MYCBPAP: variants seen among roughly 807,000 people sequenced by gnomAD.
MYCBPAP encodes the protein MYCBP associated protein, also known as MYCBP-associated protein.
A neutral mutation model predicts 106.1 loss-of-function variants in MYCBPAP; 60 were observed. The ratio of observed to expected loss-of-function variants is 0.57; its 90% CI spans 0.46 to 0.70. The LOEUF is 0.70. Ranked by LOEUF, MYCBPAP falls within the 30% of genes least tolerant of loss-of-function variation. The pLI is 0.00. For missense variants in MYCBPAP, 1,064 were observed against 1,169.3 expected, an observed-to-expected ratio of 0.91 and a Z score of 1.31; for synonymous variants, 407 against 440.6, an observed-to-expected ratio of 0.92 and a Z score of 0.95.
At chr17:50,528,927 G>C in intron 17 of MYCBPAP, 87 bp downstream of exon 17, 1 of 1,597,734 alleles carries the variant, frequency 6.3e-7, no homozygotes, top group Admixed American at 1.7e-5. Flanking sequence ...GTGGGCATGT[G>C]CCCAGGCTCT....
intron 18 of MYCBPAP, chr17:50,529,752 T>C (rs1041691872): frequency 6.6e-6 from 3 of 456,518 alleles, no homozygotes; most frequent in African/African-American, 6.0e-5. Context: ...TTCTCTTTCT[T>C]ACTCCCCGTT....
intron 7 of MYCBPAP, among the ~76,000 whole-genome samples, chr17:50,520,686 G>A (rs927711090): frequency 6.6e-6 from 1 of 152,176 alleles, no homozygotes; most frequent in Non-Finnish European, 1.5e-5. Flanking sequence ...GAGCCTGCCA[G>A]GCTGCCTGGG....
chr17:50,509,316 G>T, intron 1 of MYCBPAP: 1 of 607,334 alleles, frequency 1.6e-6, no homozygotes, highest in Admixed American at 2.5e-5. Context: ...TTTCCAGCTG[G>T]ATGACACTTA....
chr17:50,508,028 G>T (rs1325103078), upstream of MYCBPAP, among the ~76,000 whole-genome samples: 2 of 152,224 alleles, frequency 1.3e-5, no homozygotes, highest in African/African-American at 4.8e-5. Flanking sequence ...GCTGCAGCGA[G>T]CGTGGACCCG....
intron 1 of MYCBPAP, among the ~76,000 whole-genome samples, chr17:50,514,269 A>G (rs2033962892): frequency 6.6e-6 from 1 of 152,202 alleles, no homozygotes; most frequent in African/African-American, 2.4e-5. Flanking sequence ...AATTTCCTAA[A>G]AAAAGTTGGA....
intron 7 of MYCBPAP, 31 bp downstream of exon 7, chr17:50,519,818 T>C (rs2034193428): frequency 6.2e-7 from 1 of 1,604,990 alleles, no homozygotes; most frequent in East Asian, 2.2e-5. Context: ...CCAGCTAGCA[T>C]CTTGTGCCTG....
intron 6 of MYCBPAP, chr17:50,519,438 C>G (rs2143942899): frequency 1.5e-6 from 1 of 650,212 alleles, no homozygotes; most frequent in African/African-American, 1.8e-5. Flanking sequence ...CAACCCACAC[C>G]ATCTGGCTGG....
chr17:50,509,361 A>G (rs2033736366), intron 1 of MYCBPAP: 2 of 546,070 alleles, frequency 3.7e-6, no homozygotes, highest in South Asian at 4.0e-5. Flanking sequence ...ATCGCTAGAT[A>G]TGACTGCTTC....
chr17:50,518,426 G>GA (rs1197535851), intron 4 of MYCBPAP, 115 bp from the exon 5 acceptor site: 2 of 869,718 alleles, frequency 2.3e-6, no homozygotes, highest in Non-Finnish European at 3.4e-6. Context: ...TCCTGAAGAG[G>GA]AGGGACTCTC....
Position 50,529,056 on chromosome 17 carries a change from CAAGA to C in MYCBPAP, c.2596_2599del (p.Lys866SerfsTer2), listed in dbSNP as rs2034552230. The C allele has an allele frequency of 6.2e-7, 1 of 1,614,010 alleles. No individual in the cohort carries two copies. Among genetic ancestry groups the C allele is most frequent in the Non-Finnish European group, 8.5e-7 (1 of 1,180,026 alleles). ...GCAAGAAGCACAAGGCAAAGGATGA[CAAGA>C]AAGTCATAAAATCTGCAAGTCAGGA... On this transcript the variant is annotated frameshift_variant, in exon 18 of 19. Coordinates refer to ENST00000323776, the MANE Select transcript of MYCBPAP (RefSeq NM_032133.6). LOFTEE classifies it high-confidence loss of function.
intron 1 of MYCBPAP, chr17:50,508,988 T>C: frequency 1.4e-6 from 1 of 702,694 alleles, no homozygotes; most frequent in Non-Finnish European, 2.6e-6. Flanking sequence ...CAGAGGGGCC[T>C]CAGGGACCAC....
chr17:50,522,709 A>AAAAAAAAAAAAAAAAAAATATATAT, intron 10 of MYCBPAP: 3 of 50,042 alleles, frequency 6.0e-5, no homozygotes, highest in African/African-American at 1.2e-4. Context: ...AAAAAAAAAA[A>AAAAAAAAAAAAAAAAAAATATATAT]ATATATATAT....
intron 1 of MYCBPAP, among the ~76,000 whole-genome samples, chr17:50,512,870 T>C (rs921153348): frequency 1.3e-5 from 2 of 151,960 alleles, no homozygotes; most frequent in African/African-American, 4.8e-5. Context: ...GGTCAGGAGT[T>C]TGAGACCAGC....
Position 50,525,895 on chromosome 17 carries a change from C to T in MYCBPAP, c.1797C>T (p.His599=), listed in dbSNP as rs1597844513. The change falls in exon 14 of 19, where the codon CAC becomes CAT. Residue 599 remains histidine, a synonymous_variant. Transcript: ENST00000323776. ...CTCTGCTGCAGCTGCATTATGAGCACCAAGTGGTGCAAAGCCTGCACCAAC... is the reference window on the plus strand; with the variant it reads ...CTCTGCTGCAGCTGCATTATGAGCATCAAGTGGTGCAAAGCCTGCACCAAC... ...RHRNPPLHYE[H]QVVQSLHQLW... 1.2e-6 allele frequency: 2 copies of T among 1,607,628 alleles called. No homozygotes were observed. Among genetic ancestry groups the T allele is most frequent in the Admixed American group, 3.4e-5 (2 of 59,366 alleles).
chr17:50,527,227 C>T (rs2034490833), intron 14 of MYCBPAP, 60 bp from the exon 15 acceptor site: 1 of 1,605,016 alleles, frequency 6.2e-7, no homozygotes, highest in Non-Finnish European at 8.5e-7. Flanking sequence ...TCACCATGCC[C>T]TTCACTAGAG....
Position 50,522,813 on chromosome 17 carries a change from G to A in MYCBPAP, c.1258-126G>A, listed in dbSNP as rs572060909. ...TACCACTCTGTGTGACAGTGGCCAA[G>A]CCCTGGAGGCCTGGGACACGAGACT... On this transcript the variant is annotated intron_variant, in intron 10 of 18. Coordinates refer to ENST00000323776, the MANE Select transcript of MYCBPAP (RefSeq NM_032133.6). The A allele has an allele frequency of 4.1e-4, 351 of 863,362 alleles. 2 individuals carry two copies. The African/African-American group carries it at 5.3e-3, about 13-fold the overall frequency. 53.5% of individuals were successfully genotyped at this position (863,362 alleles called of 1,614,324 possible).
chr17:50,528,857 T>C lies in MYCBPAP; in HGVS notation c.2553+17T>C. ...GGGAAAGAGGCATGCTGGGGCGTGG[T>C]CTGGGCCAGGTGGGGCTGGGGAGGG... On this transcript the variant is annotated intron_variant, in intron 17 of 18. Coordinates refer to ENST00000323776, the MANE Select transcript of MYCBPAP (RefSeq NM_032133.6). 1 of 1,611,918 alleles carries C rather than the reference T, an allele frequency of 6.2e-7. No homozygotes were observed. Among genetic ancestry groups the C allele is most frequent in the Non-Finnish European group, 8.5e-7 (1 of 1,179,816 alleles).
chr17:50,529,385 A>G lies in MYCBPAP; in HGVS notation c.2724+197A>G. The G allele has an allele frequency of 5.4e-6, 3 of 559,832 alleles. No individual in the cohort carries two copies. In the South Asian group the frequency reaches 6.5e-5, roughly 12 times the overall value. 34.7% of individuals were successfully genotyped at this position (559,832 alleles called of 1,614,324 possible). A position where few individuals can be genotyped will look rare whatever the true frequency, so the allele number is the denominator to read the frequency against. ...TAGGTGATGAGTACGACGGGAGAGAAGATAGACCAGGCAGGGAATGGAGGC... is the reference window on the plus strand; with the variant it reads ...TAGGTGATGAGTACGACGGGAGAGAGGATAGACCAGGCAGGGAATGGAGGC... On this transcript the variant is annotated intron_variant, in intron 18 of 18. Coordinates refer to ENST00000323776, the MANE Select transcript of MYCBPAP (RefSeq NM_032133.6).
Position 50,523,718 on chromosome 17 carries a change from G to A in MYCBPAP, c.1569G>A (p.Leu523=). 1 of 1,614,196 alleles carries A rather than the reference G, an allele frequency of 6.2e-7. No homozygotes were observed. ...CTACTCTATTAGGAGGTGCTATACT[G>A]CAGGTCAATCTCCACGCGGTCTCCC... ...THPTLLGGAI[L]QVNLHAVSLT... The change falls in exon 12 of 19, where the codon CTG becomes CTA. Residue 523 remains leucine (L), a synonymous_variant. Coordinates refer to ENST00000323776, the MANE Select transcript of MYCBPAP (RefSeq NM_032133.6).
Sources: gnomAD v4.1 joint callset for allele counts (sites outside exome capture counted in the v4.1 genomes callset) on GRCh38, gnomAD v4.1.1 for gene constraint, MANE v1.5 for transcripts, NCBI Gene and HGNC (gene_info 2026-07-23, HGNC 2026-07-21) for gene names.